Variants in TIAM2 observed in about 807,000 individuals in gnomAD.
The protein encoded by TIAM2 is TIAM Rac1 associated GEF 2.
In TIAM2, 80 loss-of-function variants were observed where a neutral mutation model predicts 152.9. The ratio of observed to expected loss-of-function variants is 0.52; its 90% CI spans 0.44 to 0.63. TIAM2 has a LOEUF of 0.63. TIAM2 is among the 30% of genes least tolerant of loss of function. TIAM2 has a pLI of 0.00. For synonymous variants in TIAM2, 804 were observed against 838.0 expected (o/e 0.96, Z 0.70); for missense variants, 1,965 against 2,120.1 (o/e 0.93, Z 1.44).
At chr6:155,249,633 A>C (rs910902994) in intron 20 of TIAM2, among the ~76,000 whole-genome samples, 1 of 152,210 alleles carries the variant, frequency 6.6e-6, no homozygotes, top group African/African-American at 2.4e-5. Flanking sequence ...ACTCTGTCTC[A>C]TTTCAAAAAG....
chr6:155,009,241 A>G (rs956638693), intron 1 of TIAM2, among the ~76,000 whole-genome samples: 4 of 151,742 alleles, frequency 2.6e-5, no homozygotes, highest in African/African-American at 9.7e-5. Flanking sequence ...AGCTGAGACT[A>G]CAGCCGTGAG....
At chr6:155,100,433 G>A (rs1198021864) in intron 2 of TIAM2, among the ~76,000 whole-genome samples, 1 of 152,190 alleles carries the variant, frequency 6.6e-6, no homozygotes, top group Non-Finnish European at 1.5e-5. Flanking sequence ...GATCGCATGT[G>A]GAGTGGCTTA....
At chr6:155,095,499 T>A (rs1237187847) in intron 2 of TIAM2, among the ~76,000 whole-genome samples, 24 of 152,190 alleles carry the variant, frequency 1.6e-4, no homozygotes, top group Admixed American at 1.6e-3. Flanking sequence ...TTAGAATGAC[T>A]GATTTAAAGT....
At chr6:155,250,553 T>C (rs1422075545) in intron 21 of TIAM2, 2 of 1,535,834 alleles carry the variant, frequency 1.3e-6, no homozygotes, top group Non-Finnish European at 1.7e-6. Context: ...CGAATGGAGC[T>C]CAGAGGTGAT....
intron 1 of TIAM2, among the ~76,000 whole-genome samples, chr6:154,998,306 G>A (rs767297134): frequency 7.9e-5 from 12 of 152,186 alleles, no homozygotes; most frequent in Non-Finnish European, 1.6e-4. Flanking sequence ...TTGGAGTGCC[G>A]TTTTGTATAT....
At chr6:155,256,183 C>T (rs913229074) in intron 26 of TIAM2, 1 of 540,710 alleles carries the variant, frequency 1.8e-6, no homozygotes, top group African/African-American at 2.0e-5. Flanking sequence ...TTTCAACTTA[C>T]TCCTTGGCAA....
At chr6:155,029,303 CTATGTGTTATATATACTA>C (rs1776738195) in intron 1 of TIAM2, among the ~76,000 whole-genome samples, 2 of 115,498 alleles carry the variant, frequency 1.7e-5, no homozygotes, top group Non-Finnish European at 3.4e-5. Flanking sequence ...ACTATATGTA[CTATGTGTTATATATACTA>C]TATGTACTAT....
At chr6:155,105,479 A>T (rs943713875) in intron 2 of TIAM2, among the ~76,000 whole-genome samples, 5 of 151,988 alleles carry the variant, frequency 3.3e-5, no homozygotes, top group Admixed American at 2.6e-4. Context: ...TACTTTTTGT[A>T]GAGATAGGGT....
chr6:155,198,225 A>G (rs934477219), intron 14 of TIAM2, among the ~76,000 whole-genome samples: 3 of 152,206 alleles, frequency 2.0e-5, no homozygotes, highest in South Asian at 4.1e-4. Flanking sequence ...TGCCTGTCCT[A>G]ATTAACCTAC....
intron 2 of TIAM2, among the ~76,000 whole-genome samples, chr6:155,126,415 ACTG>A (rs1779297970): frequency 6.6e-6 from 1 of 152,132 alleles, no homozygotes; most frequent in East Asian, 1.9e-4. Flanking sequence ...CAGTGTACTT[ACTG>A]CTGCCCTGTA....
At chr6:155,187,084 T>C (rs996758211) in intron 14 of TIAM2, among the ~76,000 whole-genome samples, 1 of 152,086 alleles carries the variant, frequency 6.6e-6, no homozygotes, top group Non-Finnish European at 1.5e-5. Flanking sequence ...CTTAAGCACT[T>C]GTTTGGGCTT....
chr6:155,160,492 A>G (rs2115091236), intron 7 of TIAM2, among the ~76,000 whole-genome samples: 1 of 152,262 alleles, frequency 6.6e-6, no homozygotes, highest in African/African-American at 2.4e-5. Context: ...ATACCTGGTC[A>G]CCCCGTGGCC....
chr6:155,195,420 A>C (rs972321422), intron 14 of TIAM2, among the ~76,000 whole-genome samples: 5 of 152,176 alleles, frequency 3.3e-5, no homozygotes, highest in Admixed American at 3.3e-4. Context: ...CTGGAGAAAA[A>C]TATTTTTCTC....
rs76318916 is a variant in TIAM2 at position 155,166,280 on chromosome 6, G to A, written c.2361+871G>A. Among the ~76,000 whole-genome samples, 16 of 152,032 alleles carry A rather than the reference G, an allele frequency of 1.1e-4. No individual in the cohort carries two copies. In the East Asian group the frequency reaches 3.1e-3, roughly 29 times the overall value. On this transcript the variant is annotated intron_variant, in intron 9 of 26. Coordinates refer to ENST00000682666, the MANE Select transcript of TIAM2 (RefSeq NM_012454.4). ...ATTGCTAGTGCTTATTTTCCCTTGGGGAAAGGTGACTCTTGCAACACTTTC... is the reference window on the plus strand; with the variant it reads ...ATTGCTAGTGCTTATTTTCCCTTGGAGAAAGGTGACTCTTGCAACACTTTC...
At chr6:155,140,564 G>A (rs1435782005) in intron 5 of TIAM2, among the ~76,000 whole-genome samples, 1 of 114,256 alleles carries the variant, frequency 8.8e-6, no homozygotes, top group African/African-American at 3.7e-5. Flanking sequence ...GTATGTGTGT[G>A]TGTGTGTGTG....
chr6:155,201,362 A>T (rs539995783), intron 14 of TIAM2, among the ~76,000 whole-genome samples: 2 of 152,336 alleles, frequency 1.3e-5, no homozygotes, highest in Admixed American at 1.3e-4. Context: ...ATTCAACTTT[A>T]TTAAAATTCT....
At chr6:155,087,706 G>A (rs1328489581) in intron 1 of TIAM2, among the ~76,000 whole-genome samples, 1 of 151,914 alleles carries the variant, frequency 6.6e-6, no homozygotes, top group Non-Finnish European at 1.5e-5. Flanking sequence ...CTGAGATCGC[G>A]CCATTACACT....
chr6:155,175,746 G>A (rs1429303125), intron 9 of TIAM2, among the ~76,000 whole-genome samples: 1 of 152,162 alleles, frequency 6.6e-6, no homozygotes, highest in Non-Finnish European at 1.5e-5. Context: ...CTTAAGAAAT[G>A]TATGCTATTT....
chr6:155,104,718 C>G (rs1007211394), intron 2 of TIAM2, among the ~76,000 whole-genome samples: 115 of 150,252 alleles, frequency 7.7e-4, no homozygotes, highest in African/African-American at 2.7e-3. Flanking sequence ...GATCGTGCCT[C>G]TGCACTCCAG....
Sources: allele counts gnomAD v4.1 joint callset (sites outside exome capture counted in the v4.1 genomes callset), GRCh38; gene constraint gnomAD v4.1.1; transcripts MANE v1.5; gene names NCBI Gene and HGNC (gene_info 2026-07-23, HGNC 2026-07-21).